Variants in GPM6A observed in about 807,000 individuals in gnomAD.
GPM6A encodes glycoprotein M6A.
In GPM6A, 7 loss-of-function variants were observed where a neutral mutation model predicts 32.1. The ratio of observed to expected loss-of-function variants is 0.22; its 90% CI spans 0.12 to 0.41. The LOEUF (loss-of-function observed/expected upper bound fraction) is 0.41, where lower values mean the gene tolerates loss of function less well. GPM6A is among the 10% of genes least tolerant of loss of function. GPM6A has a pLI of 1.00. For missense variants in GPM6A, 235 were observed against 347.2 expected, an observed-to-expected ratio of 0.68 and a Z score of 2.57; for synonymous variants, 130 against 123.4, an observed-to-expected ratio of 1.05 and a Z score of -0.35.
intron 1 of GPM6A, among the ~76,000 whole-genome samples, chr4:175,762,891 G>A (rs1732806041): frequency 1.3e-5 from 2 of 152,078 alleles, no homozygotes; most frequent in African/African-American, 4.8e-5. Flanking sequence ...ATTGACTCGT[G>A]GTTGCGCGGG....
At chr4:175,897,213 T>C (rs1330812886) in intron 1 of GPM6A, among the ~76,000 whole-genome samples, 2 of 151,978 alleles carry the variant, frequency 1.3e-5, no homozygotes, top group African/African-American at 4.8e-5. Flanking sequence ...GTGTCCAGGG[T>C]CAGTGCAAGT....
intron 1 of GPM6A, among the ~76,000 whole-genome samples, chr4:175,937,789 C>G (rs1372103459): frequency 1.3e-5 from 2 of 151,782 alleles, no homozygotes; most frequent in Admixed American, 6.6e-5. Context: ...AAAGATCTGG[C>G]TATTAGAAAA....
intron 1 of GPM6A, among the ~76,000 whole-genome samples, chr4:175,711,177 A>G (rs1378167721): frequency 1.3e-5 from 2 of 151,812 alleles, no homozygotes; most frequent in Non-Finnish European, 2.9e-5. Context: ...ACACAAGCAT[A>G]TTTGTTTCAA....
chr4:175,730,531 C>A (rs959364043), intron 1 of GPM6A, among the ~76,000 whole-genome samples: 5 of 151,522 alleles, frequency 3.3e-5, no homozygotes, highest in African/African-American at 1.2e-4. Flanking sequence ...AGTGCAGTGG[C>A]GCGATCTCGG....
chr4:175,857,201 A>C (rs1191027151), intron 1 of GPM6A, among the ~76,000 whole-genome samples: 1 of 152,240 alleles, frequency 6.6e-6, no homozygotes, highest in Non-Finnish European at 1.5e-5. Context: ...CAATAAACAA[A>C]AATAAGCACA....
chr4:175,909,149 GGGAAAGATA>G (rs1464904155), intron 1 of GPM6A, among the ~76,000 whole-genome samples: 1 of 149,120 alleles, frequency 6.7e-6, no homozygotes, highest in Non-Finnish European at 1.5e-5. Flanking sequence ...TTTTATTATC[GGGAAAGATA>G]GGTCAGAAAA....
chr4:175,873,210 C>T (rs149978824), intron 1 of GPM6A, among the ~76,000 whole-genome samples: 141 of 151,684 alleles, frequency 9.3e-4, no homozygotes, highest in African/African-American at 3.3e-3. Context: ...TTACCTGGTA[C>T]TCAGATTTAA....
intron 1 of GPM6A, among the ~76,000 whole-genome samples, chr4:175,836,024 T>C (rs1560957743): frequency 1.3e-5 from 2 of 152,102 alleles, no homozygotes; most frequent in East Asian, 3.9e-4. Context: ...CTATGCCTAA[T>C]TATAGGGGGC....
intron 1 of GPM6A, among the ~76,000 whole-genome samples, chr4:175,739,273 G>A (rs1731787352): frequency 6.6e-6 from 1 of 152,076 alleles, no homozygotes; most frequent in Non-Finnish European, 1.5e-5. Flanking sequence ...CATCTGGCAT[G>A]TGTATTTTTG....
intron 1 of GPM6A, among the ~76,000 whole-genome samples, chr4:175,752,680 AT>A (rs567570266): frequency 1.4e-4 from 21 of 152,256 alleles, no homozygotes; most frequent in Middle Eastern, 3.4e-3. Context: ...CTTTATTTCT[AT>A]CTTCTTCTAT....
chr4:175,785,801 T>C (rs1278926578), intron 1 of GPM6A, among the ~76,000 whole-genome samples: 1 of 152,070 alleles, frequency 6.6e-6, no homozygotes, highest in Non-Finnish European at 1.5e-5. Flanking sequence ...CCCTCATAAC[T>C]GGGATTAATT....
intron 2 of GPM6A, among the ~76,000 whole-genome samples, chr4:175,690,188 C>G (rs1744220491): frequency 6.6e-6 from 1 of 152,202 alleles, no homozygotes; most frequent in African/African-American, 2.4e-5. Flanking sequence ...TCACTTATCT[C>G]AAATTCATAT....
intron 1 of GPM6A, among the ~76,000 whole-genome samples, chr4:175,992,347 G>A (rs914218310): frequency 1.3e-5 from 2 of 152,056 alleles, no homozygotes; most frequent in Non-Finnish European, 2.9e-5. Flanking sequence ...AAGACTTGAA[G>A]AAAGAAAAAT....
At chr4:175,726,177 T>C (rs1005674964) in intron 1 of GPM6A, among the ~76,000 whole-genome samples, 6 of 151,730 alleles carry the variant, frequency 4.0e-5, no homozygotes, top group Non-Finnish European at 8.8e-5. Flanking sequence ...TTTTTTGTAT[T>C]TTTAGTAGAG....
At chr4:175,637,606 A>G (rs1740807212) in intron 6 of GPM6A, among the ~76,000 whole-genome samples, 1 of 55,948 alleles carries the variant, frequency 1.8e-5, no homozygotes, top group Non-Finnish European at 3.5e-5. Flanking sequence ...TATGTAAAAT[A>G]TATAATATAT....
chr4:175,828,579 CAA>C (rs1735508478), intron 1 of GPM6A, among the ~76,000 whole-genome samples: 1 of 152,080 alleles, frequency 6.6e-6, no homozygotes, highest in African/African-American at 2.4e-5. Flanking sequence ...TCCCCTAATG[CAA>C]AGAGTTTTTA....
At chr4:175,907,552 T>A (rs1397940526) in intron 1 of GPM6A, among the ~76,000 whole-genome samples, 4 of 152,066 alleles carry the variant, frequency 2.6e-5, no homozygotes, top group Non-Finnish European at 5.9e-5. Flanking sequence ...TACCCCCAAA[T>A]ATGACACCTT....
intron 1 of GPM6A, among the ~76,000 whole-genome samples, chr4:175,710,152 C>CT (rs1478083235): frequency 1.3e-5 from 2 of 151,708 alleles, no homozygotes; most frequent in Non-Finnish European, 2.9e-5. Context: ...TTCAAATAAG[C>CT]TTTTTTTGGT....
intron 3 of GPM6A, among the ~76,000 whole-genome samples, chr4:175,672,934 A>T (rs1743163577): frequency 6.6e-6 from 1 of 152,190 alleles, no homozygotes; most frequent in South Asian, 2.1e-4. Flanking sequence ...AGATTGAAGT[A>T]ATTTACATCA....
Sources: allele counts gnomAD v4.1 joint callset (sites outside exome capture counted in the v4.1 genomes callset), GRCh38; gene constraint gnomAD v4.1.1; transcripts MANE v1.5; gene names NCBI Gene and HGNC (gene_info 2026-07-23, HGNC 2026-07-21).